NIPBL: variants seen among roughly 807,000 people sequenced by gnomAD.
The protein encoded by NIPBL is NIPBL cohesin loading factor.
NIPBL carries 19 observed loss-of-function variants against 321.8 expected under a neutral mutation model. The observed-to-expected ratio is 0.06, with a 90% CI of 0.04 to 0.09. The LOEUF (loss-of-function observed/expected upper bound fraction) is 0.09. Among genes scored for constraint, NIPBL ranks in the 10% least tolerant of loss-of-function variants. NIPBL has a pLI of 1.00. For synonymous variants in NIPBL, 1,106 were observed against 1,114.1 expected (o/e 0.99, Z 0.14); for missense variants, 2,210 against 3,327.0 (o/e 0.66, Z 8.26).
rs1286593750 is a variant in NIPBL, at chr5:37,041,269, T to G, written c.6108+2531T>G. On this transcript the variant is annotated intron_variant, in intron 34 of 46. Coordinates refer to ENST00000282516, the MANE Select transcript of NIPBL (RefSeq NM_133433.4). The stretch of plus-strand genomic sequence containing the variant: ...ATGTGGTGGTTTTTTTTTTTTTTTT[T>G]TTTTTTTTTTTTGAGACTGAGGCTC... Among the ~76,000 whole-genome samples the G allele has an allele frequency of 4.7e-4, 61 of 129,142 alleles. 2 individuals are homozygous for G. Among genetic ancestry groups the G allele is most frequent in the African/African-American group, 1.7e-3 (56 of 32,210 alleles). 84.7% of individuals were successfully genotyped at this position (129,142 alleles called of 152,430 possible).
At chr5:36,969,106 G>A (rs1034178859) in intron 6 of NIPBL, among the ~76,000 whole-genome samples, 1 of 152,128 alleles carries the variant, frequency 6.6e-6, no homozygotes, top group Non-Finnish European at 1.5e-5. Flanking sequence ...TTTAATGAAA[G>A]ATGTAAAAGA....
chr5:36,986,305 A>AG lies in NIPBL; in HGVS notation c.3121+5dup, dbSNP rs753198382. 2.0e-6 allele frequency: 3 copies of AG among 1,484,876 alleles called. No individual in the cohort carries two copies. The highest frequency in any genetic ancestry group is 2.7e-6 in the Non-Finnish European group (3 of 1,116,810). 92.0% of individuals were successfully genotyped at this position (1,484,876 alleles called of 1,614,324 possible). On this transcript the variant is annotated splice_donor_region_variant and intron_variant, in intron 10 of 46. Transcript: ENST00000282516. ...AAACCATCAAAGTCAAATAAAGGTA[A>AG]GAATACTTCTACTGATGTCATTTAT...
rs78593535 is a variant in NIPBL at position 37,049,955 on chromosome 5, T to C, written c.6954+654T>C. 8.0e-4 allele frequency among the ~76,000 whole-genome samples: 122 copies of C among 152,300 alleles called. No individual in the cohort carries two copies. The East Asian group carries it at 0.021, about 27-fold the overall frequency. ...TTTTTCATGGAACGTTTTAAAAATA[T>C]GATTTATTTAAACATACTGTGGTCT... is the stretch of plus-strand genomic sequence containing the variant. On this transcript the variant is annotated intron_variant, in intron 40 of 46. Coordinates refer to ENST00000282516, the MANE Select transcript of NIPBL (RefSeq NM_133433.4).
chr5:37,020,753 T>G lies in NIPBL; in HGVS notation c.5226-22T>G, dbSNP rs745319279. The G allele has an allele frequency of 6.8e-6, 11 of 1,610,200 alleles. No homozygotes were observed. The Admixed American group carries it at 1.8e-4, about 27-fold the overall frequency. The stretch of plus-strand genomic sequence containing the variant: ...AAGTTACAAAAAAAGAAAAATAAAT[T>G]TTTAATGACTTTTTGTTGCAGGATG... On this transcript the variant is annotated intron_variant, in intron 26 of 46. Transcript: ENST00000282516.
At chr5:36,967,576 A>G (rs575620820) in intron 6 of NIPBL, among the ~76,000 whole-genome samples, 1 of 152,312 alleles carries the variant, frequency 6.6e-6, no homozygotes, top group Admixed American at 6.5e-5. Context: ...AAGTGAGGGG[A>G]GTATGAGAAA....
chr5:37,059,129 A>G lies in NIPBL; in HGVS notation c.7649A>G (p.Lys2550Arg). Reference protein sequence around the residue: ...SQGILLLLMLKQHLKNLCGFS... With the variant: ...SQGILLLLMLRQHLKNLCGFS... ...GGTATTTTATTACTTCTCATGTTAA[A>G]ACAACATTTGAAGAATCTTTGTGGA... is the stretch of plus-strand genomic sequence containing the variant. Residue 2550 changes from lysine (K) to arginine (R), a missense_variant, in exon 44 of 47, where the codon AAA (lysine) becomes AGA (arginine). Lys to Arg is a conservative substitution (Grantham distance 26). Coordinates refer to ENST00000282516, the MANE Select transcript of NIPBL (RefSeq NM_133433.4). 6.2e-7 allele frequency: 1 copy of G among 1,614,208 alleles called. No individual in the cohort carries two copies. The highest frequency in any genetic ancestry group is 1.1e-5 in the South Asian group (1 of 91,086).
intron 6 of NIPBL, among the ~76,000 whole-genome samples, chr5:36,969,686 G>C (rs539972347): frequency 6.6e-6 from 1 of 152,130 alleles, no homozygotes; most frequent in Non-Finnish European, 1.5e-5. Flanking sequence ...TTGTGTAAAG[G>C]AGGGGATCTG....
chr5:37,033,995 T>TAAC (rs1751416582), intron 32 of NIPBL, among the ~76,000 whole-genome samples: 1 of 151,930 alleles, frequency 6.6e-6, no homozygotes, highest in Non-Finnish European at 1.5e-5. Flanking sequence ...GGCACATATA[T>TAAC]AACCAACAAT....
At chr5:36,950,611 AG>A (rs1483596682) in intron 1 of NIPBL, among the ~76,000 whole-genome samples, 1 of 152,114 alleles carries the variant, frequency 6.6e-6, no homozygotes, top group Non-Finnish European at 1.5e-5. Flanking sequence ...TCTACTAATC[AG>A]TCACCAATCA....
chr5:37,051,949 G>C, intron 41 of NIPBL, 63 bp downstream of exon 41: 7 of 1,138,180 alleles, frequency 6.2e-6, no homozygotes, highest in Non-Finnish European at 9.3e-6. Flanking sequence ...GCATTTCTTT[G>C]ATAAATGCTC....
rs754949542 is a variant in NIPBL at position 37,064,710 on chromosome 5, A to C, written c.8233A>C (p.Ser2745Arg). Residue 2745 changes from serine (S) to arginine (R), a missense_variant, in exon 47 of 47, where the codon AGT becomes CGT. Transcript: ENST00000282516. ...FSVQWMAGSY[S>R]GSWTEAKRRD... ...TGTTCAGTGGATGGCAGGCTCCTAC[A>C]GTGGCTCCTGGACTGAGGCTAAGCG... 1.9e-6 allele frequency: 3 copies of C among 1,614,104 alleles called. No individual in the cohort carries two copies. Among genetic ancestry groups the C allele is most frequent in the African/African-American group, 2.7e-5 (2 of 74,942 alleles).
chr5:36,942,614 A>T (rs1739226783), intron 1 of NIPBL, among the ~76,000 whole-genome samples: 1 of 150,332 alleles, frequency 6.7e-6, no homozygotes, highest in African/African-American at 2.5e-5. Flanking sequence ...GGTGGTGCAC[A>T]CCTGTAGCCC....
At chr5:37,003,565 G>A (rs966329382) in intron 16 of NIPBL, among the ~76,000 whole-genome samples, 4 of 151,894 alleles carry the variant, frequency 2.6e-5, no homozygotes, top group African/African-American at 7.2e-5. Flanking sequence ...TTTTATCTTA[G>A]GTATGTATGT....
At position 36,958,180 on chromosome 5, in the gene NIPBL, A is replaced by G; in HGVS notation, c.307A>G (p.Ser103Gly). The change falls in exon 4 of 47, where the codon AGT becomes GGT. Residue 103 changes from serine (S) to glycine (G), a missense_variant. Transcript: ENST00000282516. ...PVLLQAVLARSPNVFREKSMQ... is the reference protein window; with the variant it reads ...PVLLQAVLARGPNVFREKSMQ... ...CTTGTTGCAGGCCGTCCTGGCAAGG[A>G]GTCCTAATGTTTTCAGGGAGAAAAG... The G allele has an allele frequency of 1.9e-6, 3 of 1,613,972 alleles. No individual in the cohort carries two copies. The highest frequency in any genetic ancestry group is 2.5e-6 in the Non-Finnish European group (3 of 1,179,960).
chr5:37,061,199 C>G (rs532121053), intron 45 of NIPBL, among the ~76,000 whole-genome samples, 181 bp downstream of exon 45: 1 of 152,198 alleles, frequency 6.6e-6, no homozygotes, highest in South Asian at 2.1e-4. Flanking sequence ...CCCATTGCAC[C>G]CATGGCATCC....
rs2149673306 is a variant in NIPBL at position 37,003,367 on chromosome 5, T to C, written c.3855+20T>C. 4 of 1,422,184 alleles carry C rather than the reference T, an allele frequency of 2.8e-6. No individual in the cohort carries two copies. Among genetic ancestry groups the C allele is most frequent in the Non-Finnish European group, 4.0e-6 (4 of 1,006,946 alleles). The allele number at this position is 1,422,184 out of a possible 1,614,324, so 88.1% of individuals were successfully genotyped here. A position where few individuals can be genotyped will look rare whatever the true frequency, so the allele number is the denominator to read the frequency against. On this transcript the variant is annotated intron_variant, in intron 16 of 46. Transcript: ENST00000282516. The stretch of plus-strand genomic sequence containing the variant: ...AATCATGTAAGTTTAAGATCCATAC[T>C]GTTAATTTTACCCTTAATGTTATTA...
chr5:36,951,605 A>G (rs1740299263), intron 1 of NIPBL, among the ~76,000 whole-genome samples: 2 of 152,198 alleles, frequency 1.3e-5, no homozygotes, highest in Non-Finnish European at 2.9e-5. Context: ...CCAACTTTTT[A>G]AAGTGCTTGA....
At chr5:36,971,774 T>G (rs909920787) in intron 7 of NIPBL, 171 bp from the exon 8 acceptor site, 1 of 975,986 alleles carries the variant, frequency 1.0e-6, no homozygotes, top group African/African-American at 1.8e-5. Flanking sequence ...GGATACAATT[T>G]CAATTCTTCT....
intron 1 of NIPBL, among the ~76,000 whole-genome samples, chr5:36,935,757 G>C (rs1472006427): frequency 6.6e-6 from 1 of 152,076 alleles, no homozygotes. Context: ...CAAAATGTCA[G>C]CATGCCTATT....
Sources: gnomAD v4.1 joint callset for allele counts (sites outside exome capture counted in the v4.1 genomes callset) on GRCh38, gnomAD v4.1.1 for gene constraint, MANE v1.5 for transcripts, NCBI Gene and HGNC (gene_info 2026-07-23, HGNC 2026-07-21) for gene names.